INVS: variants seen among roughly 807,000 people sequenced by gnomAD.
INVS encodes the protein inversin, also known as inversion of embryo turning homolog.
Under a neutral mutation model 108.8 loss-of-function variants are expected in INVS, and 86 were observed. The ratio of observed to expected loss-of-function variants is 0.79; its 90% CI spans 0.66 to 0.95. INVS has a LOEUF of 0.95. Among genes scored for constraint, INVS ranks in the 40% least tolerant of loss-of-function variants. The pLI, the probability that INVS is intolerant of heterozygous loss-of-function variation, is 0.00. For synonymous variants in INVS, 455 were observed against 473.5 expected (o/e 0.96, Z 0.51); for missense variants, 1,169 against 1,297.4 (o/e 0.90, Z 1.52).
In INVS at chr9:100,126,472, G is replaced by A. The variant is rs1477195157; in HGVS notation, c.196G>A (p.Ala66Thr). The A allele has an allele frequency of 4.3e-6, 7 of 1,614,160 alleles. No individual in the cohort carries two copies. The highest frequency in any genetic ancestry group is 5.9e-6 in the Non-Finnish European group (7 of 1,179,988). Residue 66 changes from alanine (A) to threonine (T), a missense_variant, in exon 3 of 17, where the codon GCT becomes ACT. Coordinates refer to ENST00000262457, the MANE Select transcript of INVS (RefSeq NM_014425.5). ...GGCTGACAGATTGGATTGTGCAGAT[G>A]CTCTTCTGAAGGCAGGAGCAGATGT... ...VLADRLDCAD[A>T]LLKAGADVNK...
chr9:100,116,847 A>G (rs747521442), intron 2 of INVS: 2 of 1,254,760 alleles, frequency 1.6e-6, no homozygotes, highest in Admixed American at 4.2e-5. Flanking sequence ...TGACAGGGAG[A>G]CTTGGTAAAT....
chr9:100,156,088 C>T (rs1220445344), intron 3 of INVS, among the ~76,000 whole-genome samples: 1 of 152,022 alleles, frequency 6.6e-6, no homozygotes, highest in Non-Finnish European at 1.5e-5. Context: ...ATGAGCCTGG[C>T]TCATCTGGTC....
chr9:100,172,763 A>G (rs1334918470), intron 3 of INVS, among the ~76,000 whole-genome samples: 1 of 152,244 alleles, frequency 6.6e-6, no homozygotes, highest in Admixed American at 6.5e-5. Context: ...GGCAGTGGTC[A>G]ACTTGAAATT....
At position 100,302,145 on chromosome 9, in the gene INVS, G is replaced by T; in HGVS notation, c.*1471G>T. The T allele has an allele frequency of 8.7e-7, 1 of 1,153,124 alleles. No homozygotes were observed. Among genetic ancestry groups the T allele is most frequent in the Non-Finnish European group, 1.2e-6 (1 of 813,684 alleles). 71.4% of individuals were successfully genotyped at this position (1,153,124 alleles called of 1,614,324 possible). On this transcript the variant is annotated 3_prime_UTR_variant, in exon 17 of 17. Transcript: ENST00000262457. ...TACATCAGTCTTTTTCTTCAAATAAGATAGATGTGAATAAACAACTTCAAA... is the reference window on the plus strand; with the variant it reads ...TACATCAGTCTTTTTCTTCAAATAATATAGATGTGAATAAACAACTTCAAA...
chr9:100,135,648 A>G (rs1023202029), intron 3 of INVS, among the ~76,000 whole-genome samples: 26 of 152,266 alleles, frequency 1.7e-4, no homozygotes, highest in African/African-American at 5.8e-4. Context: ...GACATGACTC[A>G]TAGAGGTAGG....
chr9:100,179,702 G>C (rs1588066453), intron 3 of INVS, among the ~76,000 whole-genome samples: 1 of 151,964 alleles, frequency 6.6e-6, no homozygotes, highest in South Asian at 2.1e-4. Flanking sequence ...TAGGAGACTT[G>C]AACACCCCAC....
At chr9:100,283,715 T>C (rs1268447709) in intron 12 of INVS, among the ~76,000 whole-genome samples, 1 of 152,194 alleles carries the variant, frequency 6.6e-6, no homozygotes, top group Non-Finnish European at 1.5e-5. Context: ...TATGTGTGAC[T>C]TTTTGAAAAT....
chr9:100,194,095 G>A (rs1830304567), intron 3 of INVS, among the ~76,000 whole-genome samples: 1 of 152,178 alleles, frequency 6.6e-6, no homozygotes, highest in Non-Finnish European at 1.5e-5. Flanking sequence ...TAAATGTAAT[G>A]GCTGGGTCAT....
rs530902536 is a variant in INVS at position 100,138,864 on chromosome 9, G to T, written c.273+12315G>T. 8.0e-5 allele frequency among the ~76,000 whole-genome samples: 12 copies of T among 149,862 alleles called. No homozygotes were observed. The South Asian group carries it at 2.3e-3, about 29-fold the overall frequency. On this transcript the variant is annotated intron_variant, in intron 3 of 16. Coordinates refer to ENST00000262457, the MANE Select transcript of INVS (RefSeq NM_014425.5). ...AGGGATTACAGGGGCCTGCCACCAC[G>T]CCTGGATAATTTTTGTATTTTTAGT...
chr9:100,189,761 G>T (rs796994618), intron 3 of INVS, among the ~76,000 whole-genome samples: 80 of 150,082 alleles, frequency 5.3e-4, no homozygotes, highest in African/African-American at 1.8e-3. Flanking sequence ...TTATTTGTTT[G>T]TTTTTTTTTA....
intron 10 of INVS, among the ~76,000 whole-genome samples, chr9:100,264,489 G>A (rs1352359492): frequency 2.6e-5 from 4 of 151,912 alleles, no homozygotes; most frequent in African/African-American, 2.4e-5. Flanking sequence ...ATGGCGGCGG[G>A]CACCTGTAAT....
At chr9:100,282,421 G>A (rs1301336380) in intron 12 of INVS, among the ~76,000 whole-genome samples, 2 of 152,188 alleles carry the variant, frequency 1.3e-5, no homozygotes, top group African/African-American at 4.8e-5. Context: ...ATGGGACTCA[G>A]TAGAAAACTA....
chr9:100,115,949 C>T (rs542299514), intron 2 of INVS, among the ~76,000 whole-genome samples: 4 of 152,150 alleles, frequency 2.6e-5, no homozygotes, highest in African/African-American at 4.8e-5. Context: ...ACATCCTCTC[C>T]AGCACCTGTT....
intron 3 of INVS, among the ~76,000 whole-genome samples, chr9:100,207,858 G>A (rs185499173): frequency 1.3e-4 from 20 of 152,216 alleles, no homozygotes; most frequent in African/African-American, 4.8e-4. Flanking sequence ...ATTTTTGAAT[G>A]TGTTTCTAAA....
chr9:100,158,743 C>T (rs1829078674), intron 3 of INVS, among the ~76,000 whole-genome samples: 1 of 152,058 alleles, frequency 6.6e-6, no homozygotes, highest in African/African-American at 2.4e-5. Context: ...AATATTTGTC[C>T]CCTCCAAATC....
intron 3 of INVS, chr9:100,132,040 T>G (rs139336894): frequency 5.0e-6 from 1 of 198,608 alleles, no homozygotes; most frequent in East Asian, 1.9e-4. Flanking sequence ...AGCTCTGTAT[T>G]CCCCCTCAGT....
intron 3 of INVS, among the ~76,000 whole-genome samples, chr9:100,195,753 G>T (rs543810199): frequency 1.3e-4 from 20 of 152,252 alleles, no homozygotes; most frequent in Middle Eastern, 3.4e-3. Context: ...CTCCCAAAAT[G>T]CTGGGATTAC....
intron 13 of INVS, among the ~76,000 whole-genome samples, chr9:100,291,932 T>C (rs889544147): frequency 6.6e-6 from 1 of 152,246 alleles, no homozygotes; most frequent in Non-Finnish European, 1.5e-5. Context: ...CTTATGTAGA[T>C]GTTAAAGCAC....
intron 11 of INVS, among the ~76,000 whole-genome samples, chr9:100,272,084 T>C (rs1385798585): frequency 6.6e-6 from 1 of 151,626 alleles, no homozygotes; most frequent in African/African-American, 2.4e-5. Flanking sequence ...GGCTAGGCTG[T>C]CTCGAACTCC....
Sources: gnomAD v4.1 joint callset for allele counts (sites outside exome capture counted in the v4.1 genomes callset) on GRCh38, gnomAD v4.1.1 for gene constraint, MANE v1.5 for transcripts, NCBI Gene and HGNC (gene_info 2026-07-23, HGNC 2026-07-21) for gene names.